NELL1: variants seen among roughly 807,000 people sequenced by gnomAD.
NELL1 encodes the protein neural EGFL like 1.
NELL1 carries 76 observed loss-of-function variants against 107.4 expected under a neutral mutation model. The observed-to-expected ratio is 0.71, with a 90% CI of 0.59 to 0.86. The LOEUF (loss-of-function observed/expected upper bound fraction) is 0.86, where lower values mean the gene tolerates loss of function less well. Ranked by LOEUF, NELL1 falls within the 40% of genes least tolerant of loss-of-function variation. NELL1 has a pLI of 0.00. For synonymous variants in NELL1, 353 were observed against 341.2 expected (o/e 1.03, Z -0.38); for missense variants, 1,024 against 1,005.5 (o/e 1.02, Z -0.25).
At chr11:21,485,759 G>T (rs750638497) in intron 15 of NELL1, among the ~76,000 whole-genome samples, 1 of 151,908 alleles carries the variant, frequency 6.6e-6, no homozygotes, top group Non-Finnish European at 1.5e-5. Context: ...TACAGACAGT[G>T]CCAGAACATC....
Position 20,678,031 on chromosome 11 carries a change from A to G in NELL1, c.155A>G (p.His52Arg), listed in dbSNP as rs769096740. ...TLGVAQVSGMHNASKAFLFQD... is the reference protein window; with the variant it reads ...TLGVAQVSGMRNASKAFLFQD... Reference sequence around the variant, plus strand: ...GGAGTTGCTCAGGTGTCTGGAATGCACAATGCCAGCAAAGCATTTTTATTT... The same window carrying G: ...GGAGTTGCTCAGGTGTCTGGAATGCGCAATGCCAGCAAAGCATTTTTATTT... Residue 52 changes from histidine (H) to arginine (R), a missense_variant, in exon 2 of 20, where the codon CAC becomes CGC. His to Arg is a conservative substitution (Grantham distance 29, BLOSUM62 0). Transcript: ENST00000357134. 2 of 1,614,148 alleles carry G rather than the reference A, an allele frequency of 1.2e-6. No individual in the cohort carries two copies. Among genetic ancestry groups the G allele is most frequent in the South Asian group, 1.1e-5 (1 of 91,072 alleles).
chr11:20,800,118 C>G (rs546297210), intron 3 of NELL1, among the ~76,000 whole-genome samples: 39 of 152,240 alleles, frequency 2.6e-4, no homozygotes, highest in African/African-American at 9.1e-4. Context: ...TTGATGGGCA[C>G]CTAGGTTGAT....
intron 12 of NELL1, among the ~76,000 whole-genome samples, chr11:21,084,524 A>T (rs939206227): frequency 6.6e-6 from 1 of 152,164 alleles, no homozygotes; most frequent in South Asian, 2.1e-4. Flanking sequence ...AGTAGGTCAG[A>T]GATGAGAGTC....
chr11:21,224,579 C>G (rs989294609), intron 13 of NELL1, among the ~76,000 whole-genome samples: 1 of 152,118 alleles, frequency 6.6e-6, no homozygotes, highest in Non-Finnish European at 1.5e-5. Flanking sequence ...CTTCTTAGAA[C>G]TTCCAAAATT....
chr11:20,885,628 C>G (rs1564950216), intron 5 of NELL1, 88 bp downstream of exon 5: 1 of 826,976 alleles, frequency 1.2e-6, no homozygotes. Flanking sequence ...TTTATAATTA[C>G]ATTAGTGGGA....
At chr11:20,876,169 T>C (rs1011899867) in intron 4 of NELL1, among the ~76,000 whole-genome samples, 1 of 152,244 alleles carries the variant, frequency 6.6e-6, no homozygotes, top group Non-Finnish European at 1.5e-5. Context: ...ATAGCCCTTC[T>C]TCCCATGCTC....
intron 14 of NELL1, among the ~76,000 whole-genome samples, chr11:21,279,208 T>C (rs1848937696): frequency 6.6e-6 from 1 of 152,158 alleles, no homozygotes; most frequent in African/African-American, 2.4e-5. Flanking sequence ...AGGTGACCTA[T>C]AGTATGGCAA....
At chr11:20,937,929 G>A in intron 10 of NELL1, 70 bp downstream of exon 10, 1 of 1,471,668 alleles carries the variant, frequency 6.8e-7, no homozygotes, top group South Asian at 1.1e-5. Flanking sequence ...CTTTAGATGA[G>A]GTTCTTGAGT....
intron 14 of NELL1, among the ~76,000 whole-genome samples, chr11:21,347,048 T>C (rs1460021502): frequency 6.6e-6 from 1 of 152,210 alleles, no homozygotes; most frequent in African/African-American, 2.4e-5. Flanking sequence ...CTGCTGCTGC[T>C]GTTGCTGACA....
chr11:21,153,589 C>T (rs190734466), intron 13 of NELL1, among the ~76,000 whole-genome samples: 1 of 152,196 alleles, frequency 6.6e-6, no homozygotes, highest in African/African-American at 2.4e-5. Context: ...AAAGGAAGGG[C>T]ACTTATAGTT....
chr11:20,760,883 G>T (rs1335839891), intron 2 of NELL1, among the ~76,000 whole-genome samples: 1 of 152,124 alleles, frequency 6.6e-6, no homozygotes, highest in African/African-American at 2.4e-5. Context: ...GTCTCACTTG[G>T]CCCCTTTGGA....
At chr11:20,921,816 A>G (rs1850384929) in intron 7 of NELL1, among the ~76,000 whole-genome samples, 3 of 133,274 alleles carry the variant, frequency 2.3e-5, no homozygotes, top group Non-Finnish European at 1.6e-5. Context: ...TTTTTTTTTA[A>G]GAACAGTGTC....
intron 14 of NELL1, among the ~76,000 whole-genome samples, chr11:21,348,150 A>G (rs1019569726): frequency 6.6e-6 from 1 of 152,196 alleles, no homozygotes; most frequent in Non-Finnish European, 1.5e-5. Context: ...GGCTTTCTAG[A>G]TAGAATCATT....
At chr11:21,519,122 T>A (rs1591000018) in intron 15 of NELL1, among the ~76,000 whole-genome samples, 1 of 152,324 alleles carries the variant, frequency 6.6e-6, no homozygotes, top group South Asian at 2.1e-4. Flanking sequence ...ATGAACATAG[T>A]AGGAATTCTG....
intron 16 of NELL1, among the ~76,000 whole-genome samples, chr11:21,549,243 A>T (rs1189147775): frequency 6.6e-6 from 1 of 151,866 alleles, no homozygotes; most frequent in Admixed American, 6.6e-5. Context: ...TGCAAGGACA[A>T]ATTAGATCAT....
intron 15 of NELL1, among the ~76,000 whole-genome samples, chr11:21,517,441 A>G (rs888531502): frequency 2.6e-5 from 4 of 152,198 alleles, no homozygotes; most frequent in Non-Finnish European, 5.9e-5. Context: ...TTGGAGCTAC[A>G]TAATAGCTGT....
At chr11:21,241,400 G>A (rs1858354956) in intron 14 of NELL1, among the ~76,000 whole-genome samples, 1 of 152,080 alleles carries the variant, frequency 6.6e-6, no homozygotes, top group Non-Finnish European at 1.5e-5. Flanking sequence ...CACCTGGTTG[G>A]GTGCCATATT....
chr11:21,065,595 G>T (rs547447903), intron 12 of NELL1, among the ~76,000 whole-genome samples: 1 of 152,206 alleles, frequency 6.6e-6, no homozygotes, highest in South Asian at 2.1e-4. Flanking sequence ...GATTGCATGC[G>T]TTGCATTCAA....
chr11:20,690,382 C>G (rs1176355595), intron 2 of NELL1, among the ~76,000 whole-genome samples: 1 of 152,168 alleles, frequency 6.6e-6, no homozygotes, highest in Admixed American at 6.5e-5. Context: ...AATGGTGATG[C>G]CTGGGTTTTC....
Sources: gnomAD v4.1 joint callset for allele counts (sites outside exome capture counted in the v4.1 genomes callset) on GRCh38, gnomAD v4.1.1 for gene constraint, MANE v1.5 for transcripts, NCBI Gene and HGNC (gene_info 2026-07-23, HGNC 2026-07-21) for gene names.